Variants in FSTL5 observed in about 807,000 individuals in gnomAD.
The protein encoded by FSTL5 is follistatin like 5.
A neutral mutation model predicts 89.1 loss-of-function variants in FSTL5; 62 were observed. The ratio of observed to expected loss-of-function variants is 0.70; its 90% CI spans 0.57 to 0.86. The LOEUF (loss-of-function observed/expected upper bound fraction) is 0.86. Ranked by LOEUF, FSTL5 falls within the 40% of genes least tolerant of loss-of-function variation. The pLI, the probability that FSTL5 is intolerant of heterozygous loss-of-function variation, is 0.00. For synonymous variants in FSTL5, 383 were observed against 346.2 expected, an observed-to-expected ratio of 1.11 and a Z score of -1.18; for missense variants, 1,057 against 1,001.6, an observed-to-expected ratio of 1.06 and a Z score of -0.75.
intron 8 of FSTL5, among the ~76,000 whole-genome samples, chr4:161,545,721 T>A (rs1333789453): frequency 3.3e-5 from 5 of 151,990 alleles, no homozygotes; most frequent in Admixed American, 6.6e-5. Context: ...GGCCACAAAA[T>A]GTCCAAAGAT....
intron 8 of FSTL5, among the ~76,000 whole-genome samples, chr4:161,549,992 G>C (rs73859258): frequency 9.9e-4 from 151 of 151,912 alleles, no homozygotes; most frequent in South Asian, 3.7e-3. Context: ...AAGCCGTCAC[G>C]TCAGGACTAC....
At chr4:161,550,981 CATT>C (rs776211317) in intron 8 of FSTL5, among the ~76,000 whole-genome samples, 12,721 of 150,906 alleles carry the variant, frequency 0.084, 516 homozygotes, top group Middle Eastern at 0.16. Context: ...TCCAGTCTAT[CATT>C]GTTGGACATT....
intron 4 of FSTL5, among the ~76,000 whole-genome samples, chr4:161,783,750 TTC>T (rs1741780616): frequency 8.3e-6 from 1 of 120,084 alleles, no homozygotes; most frequent in Non-Finnish European, 1.7e-5. Flanking sequence ...CTTTCTTTCT[TTC>T]TTTCTTTCCT....
intron 4 of FSTL5, among the ~76,000 whole-genome samples, chr4:161,836,777 C>T (rs989149633): frequency 6.6e-6 from 1 of 151,288 alleles, no homozygotes; most frequent in Admixed American, 6.6e-5. Context: ...AAAAATAGAG[C>T]AAAAATGGAG....
intron 4 of FSTL5, among the ~76,000 whole-genome samples, chr4:161,779,791 A>ATGTATATATATATG (rs1160402996): frequency 9.7e-5 from 5 of 51,560 alleles, no homozygotes; most frequent in Non-Finnish European, 1.2e-4. Context: ...ATATATATAT[A>ATGTATATATATATG]TATATATATA....
intron 4 of FSTL5, among the ~76,000 whole-genome samples, chr4:161,804,602 AT>A (rs1201556086): frequency 6.6e-6 from 1 of 151,882 alleles, no homozygotes; most frequent in Non-Finnish European, 1.5e-5. Context: ...ATATGGATGA[AT>A]TTATATTACC....
At chr4:161,733,260 CTT>C (rs1560815629) in intron 6 of FSTL5, among the ~76,000 whole-genome samples, 2 of 151,570 alleles carry the variant, frequency 1.3e-5, no homozygotes, top group African/African-American at 4.8e-5. Flanking sequence ...TTTTTGTGCT[CTT>C]GTTTGTAATT....
At chr4:162,008,945 T>C (rs576934182) in intron 3 of FSTL5, among the ~76,000 whole-genome samples, 21 of 152,132 alleles carry the variant, frequency 1.4e-4, no homozygotes, top group Middle Eastern at 3.4e-3. Context: ...TACTTAACTG[T>C]GTAGACAAAT....
At chr4:161,421,428 G>T (rs995463685) in intron 15 of FSTL5, among the ~76,000 whole-genome samples, 1 of 151,806 alleles carries the variant, frequency 6.6e-6, no homozygotes, top group African/African-American at 2.4e-5. Flanking sequence ...CTAGTGTAAG[G>T]TTACTACATT....
intron 12 of FSTL5, among the ~76,000 whole-genome samples, chr4:161,486,493 C>T (rs1729683524): frequency 6.6e-6 from 1 of 152,142 alleles, no homozygotes; most frequent in African/African-American, 2.4e-5. Context: ...GCCTGGGTCT[C>T]TCACTGATCT....
At chr4:162,143,933 T>C (rs1732863681) in intron 1 of FSTL5, among the ~76,000 whole-genome samples, 1 of 152,132 alleles carries the variant, frequency 6.6e-6, no homozygotes, top group East Asian at 1.9e-4. Context: ...ACAAACATTA[T>C]TTTTCTCATG....
Position 161,501,043 on chromosome 4 carries a change from T to C in FSTL5, c.1340-909A>G, listed in dbSNP as rs1308984207. On this transcript the variant is annotated intron_variant, in intron 11 of 15. Transcript: ENST00000306100. ...AGCTCTTTTGACCTGTTATATTGGTTTACACAGTCAAATTTATTCAGTATA... is the reference window on the plus strand; with the variant it reads ...AGCTCTTTTGACCTGTTATATTGGTCTACACAGTCAAATTTATTCAGTATA... Among the ~76,000 whole-genome samples the C allele has an allele frequency of 2.0e-5, 3 of 152,148 alleles. No homozygotes were observed. In the East Asian group the frequency reaches 5.8e-4, roughly 29 times the overall value.
At chr4:161,759,179 A>G (rs1355403133) in intron 6 of FSTL5, among the ~76,000 whole-genome samples, 1 of 152,232 alleles carries the variant, frequency 6.6e-6, no homozygotes, top group African/African-American at 2.4e-5. Context: ...ACTATAATCA[A>G]TGAGAATTGA....
chr4:161,386,118 C>T lies in FSTL5; in HGVS notation c.2173G>A (p.Gly725Arg), dbSNP rs1243056662. 2 of 1,613,986 alleles carry T rather than the reference C, an allele frequency of 1.2e-6. No homozygotes were observed. The highest frequency in any genetic ancestry group is 2.2e-5 in the South Asian group (2 of 91,078). Residue 725 changes from glycine (G) to arginine (R), a missense_variant, in exon 16 of 16, where the codon GGA (glycine) becomes AGA (arginine). Physicochemically the swap from Gly to Arg is moderately radical, Grantham distance 125. Around this residue, in one of 3 missense-constraint regions of FSTL5, gnomAD observed 980 missense variants for 903.2 expected, o/e 1.08. Transcript: ENST00000306100. The stretch of plus-strand genomic sequence containing the variant: ...ATATCAAAAGCCTCCTGTATTTCTC[C>T]TCTGATGGTAATGTACTGAACCCTT... ...LVRVQYITIR[G>R]EIQEAFDIYT...
At chr4:161,652,919 G>T (rs1736391747) in intron 7 of FSTL5, among the ~76,000 whole-genome samples, 1 of 152,058 alleles carries the variant, frequency 6.6e-6, no homozygotes, top group African/African-American at 2.4e-5. Flanking sequence ...ATTCACTTTT[G>T]TAAAAATAGA....
intron 3 of FSTL5, among the ~76,000 whole-genome samples, chr4:161,992,569 G>C (rs1266648810): frequency 6.6e-6 from 1 of 151,786 alleles, no homozygotes; most frequent in Admixed American, 6.6e-5. Context: ...GAAGCAGGGC[G>C]CGGTGGTTCA....
intron 4 of FSTL5, among the ~76,000 whole-genome samples, chr4:161,882,965 C>T (rs1057315512): frequency 1.1e-4 from 16 of 152,136 alleles, no homozygotes; most frequent in Non-Finnish European, 1.6e-4. Context: ...CCAACACCTT[C>T]ATATATTATC....
chr4:161,925,828 G>A (rs1014572435), intron 3 of FSTL5, among the ~76,000 whole-genome samples: 1 of 151,824 alleles, frequency 6.6e-6, no homozygotes, highest in Admixed American at 6.6e-5. Flanking sequence ...TTAGGGGAGT[G>A]TGGCAGCATG....
chr4:161,935,808 A>G (rs922666045), intron 3 of FSTL5, among the ~76,000 whole-genome samples: 2 of 152,170 alleles, frequency 1.3e-5, no homozygotes, highest in Non-Finnish European at 2.9e-5. Flanking sequence ...GAATCTACAC[A>G]TGCTTCACAA....
Sources: allele counts gnomAD v4.1 joint callset (sites outside exome capture counted in the v4.1 genomes callset), GRCh38; gene constraint gnomAD v4.1.1; regional missense constraint gnomAD v4.1.1; transcripts MANE v1.5; gene names NCBI Gene and HGNC (gene_info 2026-07-23, HGNC 2026-07-21).